HIVEP1: variants seen among roughly 807,000 people sequenced by gnomAD.
HIVEP1 encodes the protein zinc finger protein 40.
Under a neutral mutation model 180.0 loss-of-function variants are expected in HIVEP1, and 36 were observed. The observed-to-expected ratio is 0.20, with a 90% confidence interval of 0.15 to 0.26. The LOEUF is 0.26. Among genes scored for constraint, HIVEP1 ranks in the 10% least tolerant of loss-of-function variants. HIVEP1 has a pLI of 1.00. For missense variants in HIVEP1, 3,143 were observed against 3,268.7 expected (o/e 0.96, Z 0.94); for synonymous variants, 1,239 against 1,239.0 (o/e 1.00, Z 0.00).
At chr6:12,186,091 G>A in the HIVEP1 span, among the ~76,000 whole-genome samples, 2 of 151,412 alleles carry the variant, frequency 1.3e-5, no homozygotes, top group African/African-American at 4.9e-5. Context: ...TCCATATAAT[G>A]AAATTGTAAA....
intron 7 of HIVEP1, among the ~76,000 whole-genome samples, chr6:12,149,376 T>C (rs1374739286): frequency 6.6e-6 from 1 of 152,178 alleles, no homozygotes; most frequent in Non-Finnish European, 1.5e-5. Flanking sequence ...TTTAGGTTTA[T>C]AGGACACATT....
chr6:12,137,315 A>G (rs1471538497), intron 7 of HIVEP1, among the ~76,000 whole-genome samples: 1 of 152,218 alleles, frequency 6.6e-6, no homozygotes, highest in Non-Finnish European at 1.5e-5. Flanking sequence ...AGAATTCTCT[A>G]AATTGTTAAG....
At chr6:12,109,734 C>G (rs1012242403) in intron 3 of HIVEP1, among the ~76,000 whole-genome samples, 1 of 152,196 alleles carries the variant, frequency 6.6e-6, no homozygotes, top group African/African-American at 2.4e-5. Flanking sequence ...CTGCTTCTTC[C>G]AAACTCCTGT....
chr6:12,153,195 A>G (rs994107468), intron 7 of HIVEP1, among the ~76,000 whole-genome samples: 1 of 152,200 alleles, frequency 6.6e-6, no homozygotes, highest in Non-Finnish European at 1.5e-5. Context: ...GTCTGTACCT[A>G]CAAACATTGA....
chr6:12,055,470 C>CA (rs201334495), intron 2 of HIVEP1, among the ~76,000 whole-genome samples: 7,312 of 146,674 alleles, frequency 0.05, 223 homozygotes, highest in Middle Eastern at 0.14. Context: ...GACTCCGTCT[C>CA]AAAAAAAAAA....
the HIVEP1 span, among the ~76,000 whole-genome samples, chr6:12,181,038 CAT>C: frequency 6.6e-6 from 1 of 152,166 alleles, no homozygotes; most frequent in Non-Finnish European, 1.5e-5. Flanking sequence ...TCTGACTATA[CAT>C]ATGTTTATTT....
chr6:12,183,228 T>G, the HIVEP1 span, among the ~76,000 whole-genome samples: 2 of 152,154 alleles, frequency 1.3e-5, no homozygotes, highest in Non-Finnish European at 2.9e-5. Flanking sequence ...CAGGAAAACT[T>G]GAGAACAAGA....
At chr6:12,017,128 G>A (rs911522825) in intron 2 of HIVEP1, among the ~76,000 whole-genome samples, 2 of 152,122 alleles carry the variant, frequency 1.3e-5, no homozygotes, top group Non-Finnish European at 2.9e-5. Flanking sequence ...TAACATTCTA[G>A]ATAAAATGAC....
At position 12,154,623 on chromosome 6, in the gene HIVEP1, C is replaced by T. The variant is rs1759910610; in HGVS notation, c.6488-6816C>T. On this transcript the variant is annotated intron_variant, in intron 7 of 8. Transcript: ENST00000379388. ...CATGGACACAAGGAGGGGAACATCA[C>T]ACACCAGGGTCTGTTGGGGGTGGGG... Among the ~76,000 whole-genome samples, 4 of 151,924 alleles carry T rather than the reference C, an allele frequency of 2.6e-5. 1 individual carries two copies. In the South Asian group the frequency reaches 8.3e-4, roughly 32 times the overall value.
chr6:12,085,340 A>G (rs1403466144), intron 2 of HIVEP1, among the ~76,000 whole-genome samples: 1 of 152,046 alleles, frequency 6.6e-6, no homozygotes, highest in Non-Finnish European at 1.5e-5. Context: ...AGGACAAAGC[A>G]GGGGTTAAGT....
At chr6:12,137,852 T>C (rs971819403) in intron 7 of HIVEP1, among the ~76,000 whole-genome samples, 3 of 152,230 alleles carry the variant, frequency 2.0e-5, no homozygotes, top group African/African-American at 7.2e-5. Context: ...TTAAAACATA[T>C]TTGGAGATTT....
At chr6:12,022,786 T>G (rs1028811989) in intron 2 of HIVEP1, among the ~76,000 whole-genome samples, 1 of 152,234 alleles carries the variant, frequency 6.6e-6, no homozygotes, top group Non-Finnish European at 1.5e-5. Context: ...TTTAGGCTTC[T>G]CATGTGCTCA....
the HIVEP1 span, among the ~76,000 whole-genome samples, chr6:12,172,532 G>A: frequency 2.0e-5 from 3 of 152,154 alleles, no homozygotes; most frequent in Non-Finnish European, 4.4e-5. Context: ...ATTGATAAAT[G>A]ACTTTTCAAA....
Position 12,124,265 on chromosome 6 carries a change from T to A in HIVEP1, c.4470T>A (p.Asp1490Glu). The part of the protein sequence containing the change: ...NTLHSQTQVK[D>E]LQAETSNSSS... The stretch of plus-strand genomic sequence containing the variant: ...TGCACTCTCAGACTCAGGTTAAGGA[T>A]CTGCAGGCAGAAACATCAAACTCCA... Residue 1490 changes from aspartate to glutamate, a missense_variant, in exon 4 of 9, where the codon GAT becomes GAA. Coordinates refer to ENST00000379388, the MANE Select transcript of HIVEP1 (RefSeq NM_002114.4). 1 of 1,614,154 alleles carries A rather than the reference T, an allele frequency of 6.2e-7. No individual in the cohort carries two copies. The highest frequency in any genetic ancestry group is 8.5e-7 in the Non-Finnish European group (1 of 1,180,036).
chr6:12,118,134 C>G (rs967657252), intron 3 of HIVEP1, among the ~76,000 whole-genome samples: 5 of 39,866 alleles, frequency 1.3e-4, no homozygotes, highest in Non-Finnish European at 2.8e-4. Flanking sequence ...TTATGAGACC[C>G]CCTTTTGTTT....
At chr6:12,106,382 T>C (rs1240202215) in intron 3 of HIVEP1, among the ~76,000 whole-genome samples, 1 of 152,132 alleles carries the variant, frequency 6.6e-6, no homozygotes, top group African/African-American at 2.4e-5. Flanking sequence ...GGTGTGTTTC[T>C]TTATTATGTA....
chr6:12,072,172 T>G (rs1220031834), intron 2 of HIVEP1, among the ~76,000 whole-genome samples: 7 of 152,154 alleles, frequency 4.6e-5, no homozygotes, highest in Non-Finnish European at 8.8e-5. Flanking sequence ...TGGTGCTCTG[T>G]CCCCTGCTAT....
chr6:12,099,113 C>T (rs1322171372), intron 3 of HIVEP1, among the ~76,000 whole-genome samples: 2 of 151,382 alleles, frequency 1.3e-5, no homozygotes, highest in Non-Finnish European at 2.9e-5. Flanking sequence ...ACTGCAGGAG[C>T]CCGAGGAGCA....
intron 3 of HIVEP1, among the ~76,000 whole-genome samples, chr6:12,114,354 C>G (rs1410183639): frequency 6.6e-6 from 1 of 152,230 alleles, no homozygotes; most frequent in Non-Finnish European, 1.5e-5. Context: ...TTGGCCACAT[C>G]TTCCTTTTTA....
Sources: allele counts gnomAD v4.1 joint callset (sites outside exome capture counted in the v4.1 genomes callset), GRCh38; gene constraint gnomAD v4.1.1; transcripts MANE v1.5; gene names NCBI Gene and HGNC (gene_info 2026-07-23, HGNC 2026-07-21).